The following KCTD14 variants were observed in gnomAD, a reference collection of about 807,000 sequenced individuals.
KCTD14 encodes the protein potassium channel tetramerization domain containing 14, also known as BTB/POZ domain-containing protein KCTD14.
KCTD14 carries 7 observed loss-of-function variants against 5.9 expected under a neutral mutation model. The ratio of observed to expected loss-of-function variants is 1.19; its 90% CI spans 0.68 to 2.23. The LOEUF is 2.23. Ranked by LOEUF, KCTD14 falls within the 30% of genes most tolerant of loss-of-function variation. The pLI is 0.00. For missense variants in KCTD14, 342 were observed against 332.2 expected (o/e 1.03, Z -0.23); for synonymous variants, 140 against 133.1 (o/e 1.05, Z -0.36).
At chr11:78,034,070 C>G (rs1415852308) in intron 2 of KCTD14, among the ~76,000 whole-genome samples, 1 of 151,906 alleles carries the variant, frequency 6.6e-6, no homozygotes, top group Non-Finnish European at 1.5e-5. Flanking sequence ...GAAACAGGGT[C>G]TTGCTCTGTC....
chr11:78,020,128 G>A (rs1857272811), intron 1 of KCTD14, among the ~76,000 whole-genome samples: 1 of 152,206 alleles, frequency 6.6e-6, no homozygotes, highest in South Asian at 2.1e-4. Context: ...AAGGTAGGAG[G>A]GGTCAGGTCT....
At position 78,017,069 on chromosome 11, in the gene KCTD14, C is replaced by G. The variant is rs565630316; in HGVS notation, c.292G>C (p.Val98Leu). 5.6e-6 allele frequency: 9 copies of G among 1,614,234 alleles called. No individual in the cohort carries two copies. The South Asian group carries it at 6.6e-5, about 12-fold the overall frequency. Residue 98 changes from valine to leucine, a missense_variant, in exon 2 of 2, where the codon GTG becomes CTG. Physicochemically the swap from Val to Leu is conservative, Grantham distance 32. Transcript: ENST00000353172. ...PILDYLRTGQ[V>L]PTQHIPEVYR... ...ACTTCAGGGATGTGCTGTGTGGGCA[C>G]TTGCCCAGTGCGCAGGTAGTCCAGG...
chr11:78,041,676 T>C (rs563834437), intron 1 of KCTD14, among the ~76,000 whole-genome samples: 1 of 152,366 alleles, frequency 6.6e-6, no homozygotes, highest in African/African-American at 2.4e-5. Context: ...CCATGTTTGT[T>C]ACGGCTCGAG....
At chr11:78,027,314 C>G (rs922920834), upstream of KCTD14, among the ~76,000 whole-genome samples, 1 of 151,572 alleles carries the variant, frequency 6.6e-6, no homozygotes, top group African/African-American at 2.4e-5. Flanking sequence ...AGGCAGATAG[C>G]TTGAGCCCAG....
Position 78,016,464 on chromosome 11 carries a change from T to C in KCTD14, c.*129A>G. The C allele has an allele frequency of 1.4e-6, 1 of 736,334 alleles. No homozygotes were observed. The highest frequency in any genetic ancestry group is 2.2e-6 in the Non-Finnish European group (1 of 454,592). 45.6% of individuals were successfully genotyped at this position (736,334 alleles called of 1,614,324 possible). A position where few individuals can be genotyped will look rare whatever the true frequency, so the allele number is the denominator to read the frequency against. On this transcript the variant is annotated 3_prime_UTR_variant, in exon 2 of 2. Transcript: ENST00000353172. ...AGTCCTTAAACGAGTGATCAATATT[T>C]AGTGGCAAGACTCTAGACCAACCCT... is the stretch of plus-strand genomic sequence containing the variant.
chr11:78,019,604 A>C (rs1442417000), intron 1 of KCTD14, among the ~76,000 whole-genome samples: 3 of 152,214 alleles, frequency 2.0e-5, no homozygotes, highest in Admixed American at 6.5e-5. Flanking sequence ...GATGCAAGCC[A>C]CCACGCCCAG....
At position 78,016,180 on chromosome 11, in the gene KCTD14, A is replaced by T. The variant is rs1857158285; in HGVS notation, c.*413T>A. On this transcript the variant is annotated 3_prime_UTR_variant, in exon 2 of 2. Transcript: ENST00000353172. Reference sequence around the variant, plus strand: ...AGGAAAGCACCTACTACATGAAGGCACATGCCAGGGACAGATGGATTGGAC... The same window carrying T: ...AGGAAAGCACCTACTACATGAAGGCTCATGCCAGGGACAGATGGATTGGAC... The T allele has an allele frequency of 4.8e-6, 1 of 207,968 alleles. No individual in the cohort carries two copies. Among genetic ancestry groups the T allele is most frequent in the South Asian group, 9.2e-5 (1 of 10,880 alleles). The allele number at this position is 207,968 out of a possible 1,614,324, so 12.9% of individuals were successfully genotyped here. A position where few individuals can be genotyped will look rare whatever the true frequency, so the allele number is the denominator to read the frequency against.
chr11:78,020,855 C>G (rs1166364939), intron 1 of KCTD14, among the ~76,000 whole-genome samples: 1 of 152,194 alleles, frequency 6.6e-6, no homozygotes, highest in Non-Finnish European at 1.5e-5. Context: ...GATATGTGCC[C>G]AGGGCCCTTT....
chr11:78,030,185 A>G (rs6592760), intron 2 of KCTD14, among the ~76,000 whole-genome samples: 126,763 of 152,086 alleles, frequency 0.83, 53,139 homozygotes, highest in African/African-American at 0.9. Context: ...CTCCAATTGC[A>G]TGTTCTTTCT....
chr11:78,017,603 C>A (rs1468751911), intron 1 of KCTD14, among the ~76,000 whole-genome samples: 1 of 151,850 alleles, frequency 6.6e-6, no homozygotes, highest in African/African-American at 2.4e-5. Flanking sequence ...TGCCATCATG[C>A]CCAACTAATT....
chr11:78,044,869 G>C (rs898138674), intron 1 of KCTD14, among the ~76,000 whole-genome samples: 2 of 152,152 alleles, frequency 1.3e-5, no homozygotes, highest in Non-Finnish European at 2.9e-5. Context: ...GCATGCTTCC[G>C]GGGTTTTGCG....
At chr11:78,039,362 C>CAA (rs35894571) in intron 1 of KCTD14, among the ~76,000 whole-genome samples, 1 of 133,060 alleles carries the variant, frequency 7.5e-6, no homozygotes, top group African/African-American at 3.2e-5. Flanking sequence ...ACAAAAAATA[C>CAA]AAAAAAAATA....
intron 2 of KCTD14, among the ~76,000 whole-genome samples, chr11:78,036,496 A>T (rs1204800711): frequency 6.6e-6 from 1 of 152,250 alleles, no homozygotes; most frequent in Non-Finnish European, 1.5e-5. Context: ...ACACTCACCT[A>T]AAGTCCCACA....
At chr11:78,042,691 G>A (rs192369657) in intron 1 of KCTD14, among the ~76,000 whole-genome samples, 90 of 152,284 alleles carry the variant, frequency 5.9e-4, no homozygotes, top group African/African-American at 1.9e-3. Context: ...TCAAGGACAC[G>A]GACTCACACA....
chr11:78,024,203 G>A, upstream of KCTD14, among the ~76,000 whole-genome samples: 1 of 151,892 alleles, frequency 6.6e-6, no homozygotes, highest in Non-Finnish European at 1.5e-5. Flanking sequence ...TGACCAAAAT[G>A]GTGAAACCCC....
At chr11:78,045,968 T>A (rs1858126536) in intron 1 of KCTD14, 2 of 332,754 alleles carry the variant, frequency 6.0e-6, no homozygotes, top group South Asian at 2.4e-4. Flanking sequence ...GCCGGTCCTC[T>A]CCCCAGTCAG....
At position 78,023,214 on chromosome 11, in the gene KCTD14, G is replaced by T; in HGVS notation, c.36C>A (p.Gly12=). The stretch of plus-strand genomic sequence containing the variant: ...GCAGAGGGGTCTGGCTCGTCATCCT[G>T]CCCACTGGCCGCTCCACTGCGCAGC... The part of the protein sequence containing the change: ...WQGCAVERPV[G]RMTSQTPLPQ... Residue 12 remains glycine, a synonymous_variant, in exon 1 of 2, where the codon GGC becomes GGA. Coordinates refer to ENST00000353172, the MANE Select transcript of KCTD14 (RefSeq NM_023930.4). The T allele has an allele frequency of 6.2e-7, 1 of 1,607,820 alleles. No homozygotes were observed.
At chr11:78,024,623 A>G (rs2136717710), upstream of KCTD14, among the ~76,000 whole-genome samples, 1 of 151,846 alleles carries the variant, frequency 6.6e-6, no homozygotes, top group East Asian at 1.9e-4. Flanking sequence ...AAATGACTCT[A>G]TTAGTCAGGG....
At chr11:78,046,106 C>T in exon 1 of KCTD14, 1 of 985,372 alleles carries the variant, frequency 1.0e-6, no homozygotes, top group Middle Eastern at 5.2e-4. Context: ...AGTGATCTGC[C>T]GAGATTTCCC....
Sources: gnomAD v4.1 joint callset for allele counts (sites outside exome capture counted in the v4.1 genomes callset) on GRCh38, gnomAD v4.1.1 for gene constraint, MANE v1.5 for transcripts, NCBI Gene and HGNC (gene_info 2026-07-23, HGNC 2026-07-21) for gene names.